Variants in AKAP13 observed in about 807,000 individuals in gnomAD.
AKAP13 encodes A-kinase anchor protein 13.
In AKAP13, 80 loss-of-function variants were observed where a neutral mutation model predicts 264.5. The observed-to-expected ratio is 0.30, with a 90% CI of 0.25 to 0.36. The LOEUF is 0.36. AKAP13 is among the 10% of genes least tolerant of loss of function. The probability of loss-of-function intolerance (pLI) is 1.00; values close to 1 mark genes in which losing one functional copy is unlikely to be tolerated. For synonymous variants in AKAP13, 1,380 were observed against 1,250.2 expected (o/e 1.10, Z -2.19); for missense variants, 3,712 against 3,435.2 (o/e 1.08, Z -2.01).
intron 3 of AKAP13, among the ~76,000 whole-genome samples, chr15:85,529,235 T>C (rs7163068): frequency 0.52 from 79,300 of 151,954 alleles, 21,141 homozygotes; most frequent in Middle Eastern, 0.62. Flanking sequence ...TCCTGGCTAA[T>C]GCAATGAAAC....
In AKAP13 at chr15:85,428,349, G is replaced by A. The variant is rs187811976; in HGVS notation, c.-12+47551G>A. ...CAAGCAGCTGGGATTACAGGCATGC[G>A]CCACCACACCTGGCTAATTTTGTAT... On this transcript the variant is annotated intron_variant, in intron 1 of 36. Transcript: ENST00000394518. Among the ~76,000 whole-genome samples the A allele has an allele frequency of 3.0e-3, 457 of 152,250 alleles. 1 individual carries two copies. The highest frequency in any genetic ancestry group is 4.2e-3 in the Non-Finnish European group (289 of 68,014).
At chr15:85,480,842 C>T (rs1052977089) in intron 1 of AKAP13, 1 of 152,182 alleles carries the variant, frequency 6.6e-6, no homozygotes, top group Non-Finnish European at 1.5e-5. Flanking sequence ...TGCCCGCCAC[C>T]ACACCCGGCT....
At chr15:85,740,775 A>ACCCCCCCCCC (rs34080252) in intron 34 of AKAP13, among the ~76,000 whole-genome samples, 14 of 67,380 alleles carry the variant, frequency 2.1e-4, no homozygotes, top group East Asian at 4.5e-4. Context: ...ACACACAACC[A>ACCCCCCCCCC]CCCCCCCCCC....
intron 3 of AKAP13, 150 bp downstream of exon 3, chr15:85,521,725 G>A: frequency 2.3e-6 from 2 of 865,976 alleles, no homozygotes; most frequent in Non-Finnish European, 3.3e-6. Context: ...ATCTGGTCCT[G>A]CTGGTATTGG....
At chr15:85,537,616 G>A (rs1276421874) in intron 4 of AKAP13, among the ~76,000 whole-genome samples, 1 of 152,226 alleles carries the variant, frequency 6.6e-6, no homozygotes, top group Non-Finnish European at 1.5e-5. Context: ...TCAGGCATGA[G>A]CATAAAGTTA....
Position 85,727,084 on chromosome 15 carries a change from A to T in AKAP13, c.6841A>T (p.Ile2281Phe). ...TTTCCAGGACCAGAAGTCAACAGTG[A>T]TCTCTTTAAAGAAGCTGATTGTGAG... is the stretch of plus-strand genomic sequence containing the variant. Reference protein sequence around the residue: ...FASLDQKSTVISLKKLIVREV... With the variant: ...FASLDQKSTVFSLKKLIVREV... Residue 2281 changes from isoleucine to phenylalanine, a missense_variant, in exon 28 of 37, where the codon ATC (isoleucine) becomes TTC (phenylalanine). Transcript: ENST00000394518. The surrounding 1 kb of genome is among the most constrained non-coding windows in gnomAD (Gnocchi z 5.3). 1 of 1,614,170 alleles carries T rather than the reference A, an allele frequency of 6.2e-7. No homozygotes were observed. Among genetic ancestry groups the T allele is most frequent in the South Asian group, 1.1e-5 (1 of 91,080 alleles).
intron 5 of AKAP13, among the ~76,000 whole-genome samples, chr15:85,556,442 A>G (rs1596517036): frequency 6.6e-6 from 1 of 152,214 alleles, no homozygotes; most frequent in African/African-American, 2.4e-5. Context: ...CATTCCATAT[A>G]TGGTCTATCA....
At chr15:85,739,604 T>G (rs2088807727) in intron 33 of AKAP13, among the ~76,000 whole-genome samples, 2 of 152,194 alleles carry the variant, frequency 1.3e-5, no homozygotes. Context: ...TCTGGTTTCT[T>G]CCATTACTTC....
At chr15:85,603,147 A>G (rs2080166922) in intron 8 of AKAP13, among the ~76,000 whole-genome samples, 1 of 152,250 alleles carries the variant, frequency 6.6e-6, no homozygotes, top group Non-Finnish European at 1.5e-5. Context: ...TCTTTTAAGT[A>G]AAGTGTTGTT....
intron 1 of AKAP13, among the ~76,000 whole-genome samples, chr15:85,384,083 G>C (rs1299453775): frequency 1.3e-5 from 2 of 152,192 alleles, no homozygotes; most frequent in African/African-American, 4.8e-5. Context: ...CATTTCTTTA[G>C]ATTTTATTCC....
intron 2 of AKAP13, among the ~76,000 whole-genome samples, chr15:85,512,429 CT>C (rs1370844862): frequency 6.6e-6 from 1 of 152,130 alleles, no homozygotes; most frequent in African/African-American, 2.4e-5. Context: ...CCCTGTAGTC[CT>C]TCGATGCCTG....
chr15:85,607,127 A>T (rs2080388896), intron 8 of AKAP13, among the ~76,000 whole-genome samples: 1 of 139,126 alleles, frequency 7.2e-6, no homozygotes, highest in Non-Finnish European at 1.6e-5. Context: ...CTTGGCTTTT[A>T]AAGAAGTACT....
At chr15:85,712,782 C>G (rs2086701539) in intron 19 of AKAP13, among the ~76,000 whole-genome samples, 1 of 152,114 alleles carries the variant, frequency 6.6e-6, no homozygotes, top group South Asian at 2.1e-4. Flanking sequence ...GACCTCAAGG[C>G]ATCTGTCTGT....
At chr15:85,621,371 C>T (rs1043289323) in intron 8 of AKAP13, 2 of 152,096 alleles carry the variant, frequency 1.3e-5, no homozygotes, top group African/African-American at 4.8e-5. Flanking sequence ...TGAAATTGTT[C>T]CAAGATATTA....
chr15:85,702,909 G>A (rs1411503961), intron 17 of AKAP13: 1 of 152,184 alleles, frequency 6.6e-6, no homozygotes, highest in Non-Finnish European at 1.5e-5. Context: ...TGACTTAGTG[G>A]GGTCTTTCAG....
intron 10 of AKAP13, among the ~76,000 whole-genome samples, chr15:85,650,770 AAAAAAAAAAAAAAAAAAAAAC>A (rs1308027770): frequency 1.4e-5 from 2 of 139,926 alleles, no homozygotes; most frequent in Non-Finnish European, 3.1e-5. Flanking sequence ...AAAAAAAAAA[AAAAAAAAAAAAAAAAAAAAAC>A]AACAAAAACT....
rs979364993 is a variant in AKAP13 at position 85,433,947 on chromosome 15, TA to T, written c.-11-51756del. Among the ~76,000 whole-genome samples the T allele has an allele frequency of 2.7e-3, 139 of 51,706 alleles. 1 individual carries two copies. The highest frequency in any genetic ancestry group is 0.016 in the African/African-American group (117 of 7,110). 33.9% of individuals were successfully genotyped at this position (51,706 alleles called of 152,430 possible). On this transcript the variant is annotated intron_variant, in intron 1 of 36. Coordinates refer to ENST00000394518, the MANE Select transcript of AKAP13 (RefSeq NM_007200.5). The stretch of plus-strand genomic sequence containing the variant: ...CAGAGCGAGACTCTGTCTCAAAAAA[TA>T]AAAAAATAAAAAATAGGGAGGAGCC...
At chr15:85,386,803 GT>G (rs2070587706) in intron 1 of AKAP13, among the ~76,000 whole-genome samples, 3 of 150,312 alleles carry the variant, frequency 2.0e-5, no homozygotes, top group African/African-American at 7.4e-5. Flanking sequence ...GTGTGGTTTT[GT>G]TTCTGGATTC....
chr15:85,405,761 G>A (rs1006673970), intron 1 of AKAP13, among the ~76,000 whole-genome samples: 1 of 152,182 alleles, frequency 6.6e-6, no homozygotes, highest in Non-Finnish European at 1.5e-5. Flanking sequence ...GTAGCCTTTA[G>A]GACAAATGAT....
Sources: gnomAD v4.1 joint callset for allele counts (sites outside exome capture counted in the v4.1 genomes callset) on GRCh38, gnomAD v4.1.1 for gene constraint, Gnocchi (gnomAD v3.1) non-coding constraint, MANE v1.5 for transcripts, NCBI Gene and HGNC (gene_info 2026-07-23, HGNC 2026-07-21) for gene names.